ZNF609: variants seen among roughly 807,000 people sequenced by gnomAD.
ZNF609 encodes zinc finger protein 609.
ZNF609 carries 11 observed loss-of-function variants against 109.5 expected under a neutral mutation model. The observed-to-expected ratio is 0.10, with a 90% confidence interval of 0.06 to 0.17. The LOEUF (loss-of-function observed/expected upper bound fraction) is 0.17, where lower values mean the gene tolerates loss of function less well. Ranked by LOEUF, ZNF609 falls within the 10% of genes least tolerant of loss-of-function variation. The pLI is 1.00. For synonymous variants in ZNF609, 646 were observed against 662.0 expected (o/e 0.98, Z 0.37); for missense variants, 1,559 against 1,772.4 (o/e 0.88, Z 2.16).
intron 2 of ZNF609, among the ~76,000 whole-genome samples, chr15:64,581,817 G>A (rs755118926): frequency 6.6e-5 from 10 of 152,080 alleles, no homozygotes; most frequent in Non-Finnish European, 1.3e-4. Context: ...TAAGCCTTTG[G>A]TGTTAATTTC....
At chr15:64,600,881 T>C (rs1218603899) in intron 2 of ZNF609, among the ~76,000 whole-genome samples, 2 of 152,310 alleles carry the variant, frequency 1.3e-5, no homozygotes, top group African/African-American at 4.8e-5. Context: ...GGAGTTGTTG[T>C]AGAGCGAAAT....
In ZNF609 at chr15:64,649,770, A is replaced by G. The variant is rs79393599; in HGVS notation, c.974-20576A>G. Reference sequence around the variant, plus strand: ...AATACATGAAGTGGCACAACATTCAAAAGAGATTAAAAGGATAGGCAGTAA... The same window carrying G: ...AATACATGAAGTGGCACAACATTCAGAAGAGATTAAAAGGATAGGCAGTAA... On this transcript the variant is annotated intron_variant, in intron 3 of 9. Coordinates refer to ENST00000326648, the MANE Select transcript of ZNF609 (RefSeq NM_015042.2). Among the ~76,000 whole-genome samples the G allele has an allele frequency of 8.9e-3, 1,354 of 152,240 alleles. 23 individuals are homozygous for G. Among genetic ancestry groups the G allele is most frequent in the African/African-American group, 0.031 (1,289 of 41,520 alleles).
At chr15:64,495,166 G>GA (rs1893465389) in intron 1 of ZNF609, among the ~76,000 whole-genome samples, 3 of 152,112 alleles carry the variant, frequency 2.0e-5, no homozygotes, top group African/African-American at 7.2e-5. Context: ...AGAGGAATTT[G>GA]AAAAAATATC....
chr15:64,499,854 G>A lies in ZNF609; in HGVS notation c.435G>A (p.Lys145=), dbSNP rs756270259. 17 of 1,613,970 alleles carry A rather than the reference G, an allele frequency of 1.1e-5. No individual in the cohort carries two copies. The highest frequency in any genetic ancestry group is 1.3e-5 in the Non-Finnish European group (15 of 1,180,018). The change falls in exon 2 of 10, where the codon AAG becomes AAA. Residue 145 remains lysine, a synonymous_variant. Coordinates refer to ENST00000326648, the MANE Select transcript of ZNF609 (RefSeq NM_015042.2). ...VAAIAPKGSE[K]AAKASRSVAG... ...CTATTGCTCCCAAGGGCTCAGAGAA[G>A]GCGGCTAAGGCATCCCGCAGTGTAG...
chr15:64,511,788 C>T (rs1294183533), intron 2 of ZNF609, among the ~76,000 whole-genome samples: 3 of 150,220 alleles, frequency 2.0e-5, no homozygotes, highest in African/African-American at 7.4e-5. Context: ...GATCTAGGCT[C>T]ACTGCAACCT....
intron 2 of ZNF609, among the ~76,000 whole-genome samples, chr15:64,535,258 C>T (rs537804327): frequency 2.6e-5 from 4 of 152,110 alleles, no homozygotes; most frequent in Admixed American, 2.0e-4. Flanking sequence ...CTATGTTGCC[C>T]GGGCTGGTCT....
intron 2 of ZNF609, among the ~76,000 whole-genome samples, chr15:64,578,630 T>C (rs1291051224): frequency 6.6e-6 from 1 of 152,010 alleles, no homozygotes; most frequent in Non-Finnish European, 1.5e-5. Flanking sequence ...GAGGTGGAGG[T>C]TGCAGTAGCT....
intron 3 of ZNF609, among the ~76,000 whole-genome samples, chr15:64,662,031 T>C (rs559016055): frequency 6.7e-4 from 101 of 150,364 alleles, no homozygotes; most frequent in African/African-American, 2.4e-3. Flanking sequence ...TCTCATGAGG[T>C]TGTAGTCAGT....
intron 2 of ZNF609, among the ~76,000 whole-genome samples, chr15:64,542,273 A>G (rs1894277737): frequency 6.6e-6 from 1 of 152,186 alleles, no homozygotes; most frequent in South Asian, 2.1e-4. Flanking sequence ...TTTGCATACA[A>G]TATTTATGGG....
At chr15:64,491,897 G>C (rs1299266971) in intron 1 of ZNF609, among the ~76,000 whole-genome samples, 1 of 151,476 alleles carries the variant, frequency 6.6e-6, no homozygotes, top group African/African-American at 2.4e-5. Context: ...TGTCCCTGAG[G>C]GATTTCTGAA....
intron 3 of ZNF609, among the ~76,000 whole-genome samples, chr15:64,659,843 T>A (rs1173348485): frequency 6.6e-5 from 10 of 151,612 alleles, no homozygotes; most frequent in Non-Finnish European, 1.0e-4. Context: ...TTCTTTTTTT[T>A]TTTTTTTTTG....
At chr15:64,645,558 T>C (rs1010288122) in intron 3 of ZNF609, among the ~76,000 whole-genome samples, 1 of 152,128 alleles carries the variant, frequency 6.6e-6, no homozygotes. Flanking sequence ...TCATCAAAAC[T>C]AATAACTTTT....
Position 64,500,021 on chromosome 15 carries a change from G to C in ZNF609, c.602G>C (p.Ser201Thr). ...LGGRGGQYDGSAGVDTGAVEP... is the reference protein window; with the variant it reads ...LGGRGGQYDGTAGVDTGAVEP... ...GGACGGGGTGGTCAGTATGATGGAAGTGCAGGGGTGGATACAGGAGCTGTG... is the reference window on the plus strand; with the variant it reads ...GGACGGGGTGGTCAGTATGATGGAACTGCAGGGGTGGATACAGGAGCTGTG... Residue 201 changes from serine (S) to threonine (T), a missense_variant, in exon 2 of 10, where the codon AGT becomes ACT. This residue lies in a region of ZNF609 where 291 missense variants were observed against 317.8 expected (regional missense o/e 0.92). Coordinates refer to ENST00000326648, the MANE Select transcript of ZNF609 (RefSeq NM_015042.2). The C allele has an allele frequency of 6.2e-7, 1 of 1,614,204 alleles. No individual in the cohort carries two copies. Among genetic ancestry groups the C allele is most frequent in the African/African-American group, 1.3e-5 (1 of 75,058 alleles).
chr15:64,584,211 A>G (rs1006549771), intron 2 of ZNF609, among the ~76,000 whole-genome samples: 8 of 152,204 alleles, frequency 5.3e-5, no homozygotes, highest in African/African-American at 1.9e-4. Context: ...CTGACTCGGC[A>G]CTTTGGGAGG....
chr15:64,626,384 C>T (rs1003902523), intron 3 of ZNF609, among the ~76,000 whole-genome samples: 6 of 152,058 alleles, frequency 3.9e-5, no homozygotes, highest in South Asian at 2.1e-4. Context: ...TCCAGGATAC[C>T]GAGTCAGTCC....
chr15:64,485,336 C>G (rs986330821), intron 1 of ZNF609, among the ~76,000 whole-genome samples: 1 of 152,138 alleles, frequency 6.6e-6, no homozygotes, highest in Admixed American at 6.5e-5. Context: ...ATATGGAACA[C>G]TCAGGTTAGA....
At chr15:64,607,891 CTTTCTTT>C (rs1291150812) in intron 2 of ZNF609, among the ~76,000 whole-genome samples, 1 of 5,454 alleles carries the variant, frequency 1.8e-4, no homozygotes, top group Non-Finnish European at 7.9e-4. Context: ...TCTTTCTTTT[CTTTCTTT>C]TTTTTTTTTT....
intron 1 of ZNF609, among the ~76,000 whole-genome samples, chr15:64,466,983 T>G (rs1436215902): frequency 6.6e-6 from 1 of 152,168 alleles, no homozygotes; most frequent in Non-Finnish European, 1.5e-5. Flanking sequence ...TGCAGTCTCA[T>G]GAGCACAGTC....
intron 2 of ZNF609, among the ~76,000 whole-genome samples, chr15:64,530,140 G>A (rs1396040305): frequency 6.6e-6 from 1 of 151,572 alleles, no homozygotes; most frequent in East Asian, 1.9e-4. Context: ...TCAGCCTCCC[G>A]ACTAGCTGGG....
Sources: gnomAD v4.1 joint callset for allele counts (sites outside exome capture counted in the v4.1 genomes callset) on GRCh38, gnomAD v4.1.1 for gene constraint, gnomAD v4.1.1 regional missense constraint, MANE v1.5 for transcripts, NCBI Gene and HGNC (gene_info 2026-07-23, HGNC 2026-07-21) for gene names.